MXI1: variants seen among roughly 807,000 people sequenced by gnomAD.
MXI1 encodes the protein max-interacting protein 1.
Under a neutral mutation model 36.9 loss-of-function variants are expected in MXI1, and 18 were observed. The observed-to-expected ratio is 0.49, with a 90% CI of 0.34 to 0.72. The LOEUF (loss-of-function observed/expected upper bound fraction) is 0.72, where lower values mean the gene tolerates loss of function less well. Ranked by LOEUF, MXI1 falls within the 30% of genes least tolerant of loss-of-function variation. The probability of loss-of-function intolerance (pLI) is 0.01; values close to 1 mark genes in which losing one functional copy is unlikely to be tolerated. For missense variants in MXI1, 304 were observed against 379.1 expected, an observed-to-expected ratio of 0.80 and a Z score of 1.64; for synonymous variants, 160 against 146.7, an observed-to-expected ratio of 1.09 and a Z score of -0.65.
intron 3 of MXI1, among the ~76,000 whole-genome samples, chr10:110,274,329 A>C (rs1166741826): frequency 6.6e-6 from 1 of 152,002 alleles, no homozygotes; most frequent in Non-Finnish European, 1.5e-5. Context: ...CCCTGGGCAA[A>C]ACCCACTTTA....
At chr10:110,210,781 G>A (rs766683112) in intron 1 of MXI1, among the ~76,000 whole-genome samples, 4 of 152,056 alleles carry the variant, frequency 2.6e-5, no homozygotes, top group Non-Finnish European at 4.4e-5. Flanking sequence ...CACAATGCCC[G>A]CGCGTCACGG....
chr10:110,257,302 T>G (rs907282580), intron 3 of MXI1: 4 of 150,640 alleles, frequency 2.7e-5, no homozygotes, highest in Non-Finnish European at 5.9e-5. Flanking sequence ...AAGGGCAAGT[T>G]TTTTTTTTGG....
At chr10:110,234,980 A>G (rs984818739) in intron 2 of MXI1, among the ~76,000 whole-genome samples, 8 of 152,216 alleles carry the variant, frequency 5.3e-5, no homozygotes, top group Non-Finnish European at 1.0e-4. Context: ...ATATATGTAT[A>G]TAGTTTAAAA....
At chr10:110,241,522 G>T (rs1353111760) in intron 2 of MXI1, among the ~76,000 whole-genome samples, 1 of 151,908 alleles carries the variant, frequency 6.6e-6, no homozygotes, top group Non-Finnish European at 1.5e-5. Context: ...GTACTGTTTG[G>T]ATTACTTTCT....
intron 3 of MXI1, among the ~76,000 whole-genome samples, chr10:110,254,261 T>C (rs1856204233): frequency 6.6e-6 from 1 of 152,164 alleles, no homozygotes; most frequent in South Asian, 2.1e-4. Context: ...CGATGATCTG[T>C]GGATCTGTAA....
chr10:110,225,922 G>GGGCAGA, intron 1 of MXI1: 1 of 781,002 alleles, frequency 1.3e-6, no homozygotes, highest in African/African-American at 1.9e-5. Context: ...ATTTCCCAGG[G>GGGCAGA]GGCAGAGGCA....
At chr10:110,274,925 A>G (rs1387261102) in intron 3 of MXI1, among the ~76,000 whole-genome samples, 1 of 128,270 alleles carries the variant, frequency 7.8e-6, no homozygotes, top group Non-Finnish European at 1.5e-5. Flanking sequence ...CCCAGGCTGG[A>G]GTGCACTGGC....
chr10:110,279,848 GGAGGAA>G, intron 4 of MXI1, 60 bp from the exon 5 acceptor site: 1 of 1,223,260 alleles, frequency 8.2e-7, no homozygotes, highest in Non-Finnish European at 1.1e-6. Flanking sequence ...CTCTGCTAAA[GGAGGAA>G]TCAGTTTTAT....
Position 110,280,009 on chromosome 10 carries a change from T to C in MXI1, c.648T>C (p.Gly216=). 1 of 1,613,094 alleles carries C rather than the reference T, an allele frequency of 6.2e-7. No individual in the cohort carries two copies. The highest frequency in any genetic ancestry group is 8.5e-7 in the Non-Finnish European group (1 of 1,179,394). Residue 216 remains glycine (G), a synonymous_variant, in exon 5 of 6, where the codon GGT becomes GGC. Transcript: ENST00000332674. The part of the protein sequence containing the change: ...FLKWRLEQLQ[G]PQEMERIRMD... ...AGTGGCGACTGGAACAGCTGCAGGGTCCTCAGGAGATGGAACGAATACGAA... is the reference window on the plus strand; with the variant it reads ...AGTGGCGACTGGAACAGCTGCAGGGCCCTCAGGAGATGGAACGAATACGAA...
chr10:110,220,561 G>C (rs1233300918), intron 1 of MXI1, among the ~76,000 whole-genome samples: 3 of 152,202 alleles, frequency 2.0e-5, no homozygotes, highest in African/African-American at 7.2e-5. Flanking sequence ...CCTGGAAAAG[G>C]GTGGTGATGC....
intron 4 of MXI1, 37 bp from the exon 5 acceptor site, chr10:110,279,877 A>T: frequency 6.5e-7 from 1 of 1,541,306 alleles, no homozygotes; most frequent in Non-Finnish European, 8.8e-7. Context: ...TTTGTACTGG[A>T]CTATACACAA....
intron 3 of MXI1, among the ~76,000 whole-genome samples, chr10:110,250,023 C>T (rs887014795): frequency 6.6e-6 from 1 of 152,088 alleles, no homozygotes; most frequent in Non-Finnish European, 1.5e-5. Flanking sequence ...CGAGGGAAGC[C>T]TAATGGTGGA....
intron 2 of MXI1, among the ~76,000 whole-genome samples, chr10:110,241,436 A>G (rs1329770424): frequency 6.6e-6 from 1 of 151,992 alleles, no homozygotes; most frequent in African/African-American, 2.4e-5. Context: ...TTGGTTGGAC[A>G]CATACCTCAG....
rs183042344 is a variant in MXI1, at chr10:110,235,932, G to A, written c.407+7611G>A. Among the ~76,000 whole-genome samples the A allele has an allele frequency of 8.6e-5, 13 of 151,532 alleles. No individual in the cohort carries two copies. In the East Asian group the frequency reaches 2.1e-3, roughly 25 times the overall value. On this transcript the variant is annotated intron_variant, in intron 2 of 5. Transcript: ENST00000332674. ...TGAAGCAGGAGAATCACTTGAACCC[G>A]GATAGTGGAGTCTACAGTGAGTTGA...
chr10:110,208,204 G>T, intron 1 of MXI1, 122 bp downstream of exon 1: 2 of 1,059,306 alleles, frequency 1.9e-6, no homozygotes, highest in Non-Finnish European at 2.6e-6. Flanking sequence ...CCAGCCCTTG[G>T]CAGTAAAGCC....
rs963852488 is a variant in MXI1, at chr10:110,208,750, C to T, written c.274+668C>T. Among the ~76,000 whole-genome samples, 7 of 149,470 alleles carry T rather than the reference C, an allele frequency of 4.7e-5. No homozygotes were observed. In the East Asian group the frequency reaches 7.8e-4, roughly 17 times the overall value. Reference sequence around the variant, plus strand: ...TGGGGTGCCACCGCCGCCCCCCCCCCCCCAAAGAAGGAGGCCGGCGGGGCC... The same window carrying T: ...TGGGGTGCCACCGCCGCCCCCCCCCTCCCAAAGAAGGAGGCCGGCGGGGCC... On this transcript the variant is annotated intron_variant, in intron 1 of 5. Transcript: ENST00000332674.
chr10:110,228,141 TGG>T, intron 1 of MXI1, 46 bp from the exon 2 acceptor site: 2 of 1,600,462 alleles, frequency 1.2e-6, no homozygotes, highest in Non-Finnish European at 1.7e-6. Context: ...TCAATGGATT[TGG>T]GTACTATATT....
In MXI1 at chr10:110,253,934, A is replaced by G. The variant is rs186886603; in HGVS notation, c.437+9077A>G. On this transcript the variant is annotated intron_variant, in intron 3 of 5. Coordinates refer to ENST00000332674, the MANE Select transcript of MXI1 (RefSeq NM_130439.3). ...CTGAATCCTTTCTCCCTAAGATCAGAAATAAGGTTGTCAACTTTCATGACT... is the reference window on the plus strand; with the variant it reads ...CTGAATCCTTTCTCCCTAAGATCAGGAATAAGGTTGTCAACTTTCATGACT... 1.5e-3 allele frequency among the ~76,000 whole-genome samples: 235 copies of G among 152,234 alleles called. 1 individual carries two copies. The highest frequency in any genetic ancestry group is 5.5e-3 in the African/African-American group (227 of 41,538).
intron 2 of MXI1, among the ~76,000 whole-genome samples, chr10:110,240,469 A>AT (rs912622863): frequency 1.3e-5 from 2 of 152,020 alleles, no homozygotes; most frequent in Non-Finnish European, 2.9e-5. Context: ...CTTATGAGGC[A>AT]TTTTTTCTAA....
Sources: allele counts gnomAD v4.1 joint callset (sites outside exome capture counted in the v4.1 genomes callset), GRCh38; gene constraint gnomAD v4.1.1; transcripts MANE v1.5; gene names NCBI Gene and HGNC (gene_info 2026-07-23, HGNC 2026-07-21).